Variants in KLHL5 observed in about 807,000 individuals in gnomAD.
KLHL5 encodes kelch-like protein 5.
Under a neutral mutation model 77.7 loss-of-function variants are expected in KLHL5, and 48 were observed. The observed-to-expected ratio is 0.62, with a 90% CI of 0.49 to 0.79. The LOEUF is 0.79. Ranked by LOEUF, KLHL5 falls within the 30% of genes least tolerant of loss-of-function variation. The pLI, the probability that KLHL5 is intolerant of heterozygous loss-of-function variation, is 0.00. For missense variants in KLHL5, 723 were observed against 859.7 expected (o/e 0.84, Z 1.99); for synonymous variants, 260 against 297.0 (o/e 0.88, Z 1.28).
Position 39,103,348 on chromosome 4 carries a change from G to A in KLHL5, c.1362G>A (p.Met454Ile). Residue 454 changes from methionine to isoleucine, a missense_variant, in exon 7 of 11, where the codon ATG becomes ATA. Physicochemically the swap from Met to Ile is conservative, Grantham distance 10. Around this residue, in one of 3 missense-constraint regions of KLHL5, gnomAD observed 288 missense variants for 400.3 expected, o/e 0.72. Coordinates refer to ENST00000504108, the MANE Select transcript of KLHL5 (RefSeq NM_015990.5). ...RTNMWTPVAN[M>I]NGRRLQFGVA... ...ATATGTGGACTCCAGTAGCAAATAT[G>A]AATGGGAGGAGGCTACAGTTCGGTG... 6.2e-7 allele frequency: 1 copy of A among 1,614,102 alleles called. No individual in the cohort carries two copies. Among genetic ancestry groups the A allele is most frequent in the South Asian group, 1.1e-5 (1 of 91,080 alleles).
chr4:39,075,765 C>G (rs1258238101), intron 1 of KLHL5, among the ~76,000 whole-genome samples, 200 bp from the exon 2 acceptor site: 1 of 152,140 alleles, frequency 6.6e-6, no homozygotes, highest in African/African-American at 2.4e-5. Flanking sequence ...TTTATATTCA[C>G]TTACAGTGTT....
chr4:39,073,811 AT>A (rs1339699563), intron 1 of KLHL5, among the ~76,000 whole-genome samples: 4,351 of 138,554 alleles, frequency 0.031, 176 homozygotes, highest in African/African-American at 0.1. Context: ...CGCCCAGCTA[AT>A]TTTTTTTTTA....
chr4:39,136,767 C>G, the KLHL5 span, among the ~76,000 whole-genome samples: 2 of 152,174 alleles, frequency 1.3e-5, no homozygotes, highest in Non-Finnish European at 2.9e-5. Context: ...GGGGAAGGTG[C>G]CTGTCCAGGG....
chr4:39,134,165 A>G, the KLHL5 span: 1 of 152,224 alleles, frequency 6.6e-6, no homozygotes, highest in African/African-American at 2.4e-5. Context: ...GAAAGTCTCT[A>G]AGAGCCTCTG....
the KLHL5 span, among the ~76,000 whole-genome samples, chr4:39,136,934 G>A: frequency 6.6e-6 from 1 of 152,298 alleles, no homozygotes; most frequent in South Asian, 2.1e-4. Context: ...GAAAACATGG[G>A]CATCTGGGCC....
Position 39,121,509 on chromosome 4 carries a change from C to T in KLHL5, c.*443C>T, listed in dbSNP as rs1266864453. ...TAATTTGTTTGCTTGTTTGTTTAAC[C>T]ACAACCACTATTTTAATGATATACT... On this transcript the variant is annotated 3_prime_UTR_variant, in exon 11 of 11. Transcript: ENST00000504108. 1 of 159,140 alleles carries T rather than the reference C, an allele frequency of 6.3e-6. No homozygotes were observed. Among genetic ancestry groups the T allele is most frequent in the Non-Finnish European group, 1.4e-5 (1 of 72,642 alleles). The allele number at this position is 159,140 out of a possible 1,614,324, so 9.9% of individuals were successfully genotyped here.
At chr4:39,076,938 T>A (rs1442304563) in intron 2 of KLHL5, among the ~76,000 whole-genome samples, 2 of 151,280 alleles carry the variant, frequency 1.3e-5, no homozygotes, top group African/African-American at 4.9e-5. Flanking sequence ...TTAATTAAAC[T>A]AAAAAGCTTC....
chr4:39,138,164 T>C, the KLHL5 span, among the ~76,000 whole-genome samples: 2 of 152,094 alleles, frequency 1.3e-5, no homozygotes, highest in Non-Finnish European at 2.9e-5. Context: ...GGAGTGTAAA[T>C]TAGTTCAGCC....
At chr4:39,056,690 T>C (rs1256861324) in intron 1 of KLHL5, among the ~76,000 whole-genome samples, 1 of 152,232 alleles carries the variant, frequency 6.6e-6, no homozygotes, top group Non-Finnish European at 1.5e-5. Flanking sequence ...TCTAGAGTCC[T>C]ATCCTAGCTG....
chr4:39,076,716 T>C (rs1171355453), intron 2 of KLHL5, among the ~76,000 whole-genome samples: 2 of 151,850 alleles, frequency 1.3e-5, no homozygotes, highest in African/African-American at 4.8e-5. Context: ...AGTTGTTCAT[T>C]GTTAATCACC....
intron 6 of KLHL5, 37 bp downstream of exon 6, chr4:39,096,915 G>A (rs1359665951): frequency 6.6e-7 from 1 of 1,523,132 alleles, no homozygotes; most frequent in Admixed American, 1.7e-5. Flanking sequence ...GGGAGGACCA[G>A]AGAAAAAGAT....
At chr4:39,054,024 A>G (rs12648581) in intron 1 of KLHL5, among the ~76,000 whole-genome samples, 71,210 of 151,946 alleles carry the variant, frequency 0.47, 17,402 homozygotes, top group Middle Eastern at 0.56. Flanking sequence ...TTATTTAAGA[A>G]ATCATGTGTT....
intron 1 of KLHL5, among the ~76,000 whole-genome samples, chr4:39,069,535 C>CATATATATATATATAT (rs60163692): frequency 4.4e-5 from 6 of 136,362 alleles, no homozygotes; most frequent in African/African-American, 1.4e-4. Context: ...ACTTTTTTAC[C>CATATATATATATATAT]ATATATATAT....
rs1170856116 is a variant in KLHL5 at position 39,048,198 on chromosome 4, G to T, written c.-95+3102G>T. On this transcript the variant is annotated intron_variant, in intron 1 of 11. Coordinates refer to the KLHL5 transcript ENST00000261425. ...AAATGTATTTGGTTCCAGAGTTCGAGATGGCAAGTACAGAGAGTTGAGAGA... is the reference window on the plus strand; with the variant it reads ...AAATGTATTTGGTTCCAGAGTTCGATATGGCAAGTACAGAGAGTTGAGAGA... Among the ~76,000 whole-genome samples the T allele has an allele frequency of 2.6e-5, 4 of 152,200 alleles. No individual in the cohort carries two copies. The East Asian group carries it at 7.7e-4, about 29-fold the overall frequency.
rs111780757 is a variant in KLHL5, at chr4:39,124,789, C to A, written c.*3723C>A. Reference sequence around the variant, plus strand: ...TTTCTTAGATATGGCACCAAAAGCACAAGCAACAACAGCAAAAAAAAAAAA... The same window carrying A: ...TTTCTTAGATATGGCACCAAAAGCAAAAGCAACAACAGCAAAAAAAAAAAA... On this transcript the variant is annotated 3_prime_UTR_variant, in exon 11 of 11. Transcript: ENST00000504108. Among the ~76,000 whole-genome samples the A allele has an allele frequency of 0.047, 2,144 of 45,642 alleles. 53 individuals are homozygous for A. The highest frequency in any genetic ancestry group is 0.13 in the African/African-American group (2,001 of 15,522). 29.9% of individuals were successfully genotyped at this position (45,642 alleles called of 152,430 possible).
chr4:39,094,350 C>G (rs1222205502), intron 5 of KLHL5, among the ~76,000 whole-genome samples: 1 of 150,624 alleles, frequency 6.6e-6, no homozygotes, highest in East Asian at 1.9e-4. Context: ...ATGTAGAAAC[C>G]TATAGAATAA....
intron 1 of KLHL5, chr4:39,063,822 C>T (rs1281856507): frequency 1.8e-5 from 3 of 168,610 alleles, no homozygotes; most frequent in Admixed American, 1.2e-4. Context: ...ACTTTATCTA[C>T]CTTTATCTTG....
chr4:39,093,314 A>C, intron 5 of KLHL5: 1 of 444,150 alleles, frequency 2.3e-6, no homozygotes, highest in Non-Finnish European at 4.5e-6. Context: ...AAATCTGTAG[A>C]GACAGATTAG....
the KLHL5 span, chr4:39,135,508 C>G: frequency 6.6e-6 from 1 of 152,246 alleles, no homozygotes; most frequent in Non-Finnish European, 1.5e-5. Flanking sequence ...CCTCTACCGA[C>G]AAAATTAGCA....
Sources: gnomAD v4.1 joint callset for allele counts (sites outside exome capture counted in the v4.1 genomes callset) on GRCh38, gnomAD v4.1.1 for gene constraint, gnomAD v4.1.1 regional missense constraint, MANE v1.5 for transcripts, NCBI Gene and HGNC (gene_info 2026-07-23, HGNC 2026-07-21) for gene names.